ERC2: variants seen among roughly 807,000 people sequenced by gnomAD.
ERC2 encodes ERC protein 2.
In ERC2, 42 loss-of-function variants were observed where a neutral mutation model predicts 114.8. The ratio of observed to expected loss-of-function variants is 0.37; its 90% CI spans 0.29 to 0.47. The LOEUF is 0.47. ERC2 is among the 20% of genes least tolerant of loss of function. The probability of loss-of-function intolerance (pLI) is 0.99; values close to 1 mark genes in which losing one functional copy is unlikely to be tolerated. For synonymous variants in ERC2, 454 were observed against 425.5 expected, an observed-to-expected ratio of 1.07 and a Z score of -0.82; for missense variants, 939 against 1,150.7, an observed-to-expected ratio of 0.82 and a Z score of 2.66.
chr3:55,830,009 C>T (rs75114512), intron 14 of ERC2, among the ~76,000 whole-genome samples: 29 of 152,262 alleles, frequency 1.9e-4, no homozygotes, highest in Middle Eastern at 6.8e-3. Flanking sequence ...AAAAAACCCA[C>T]CTGCAGCTAC....
intron 3 of ERC2, 53 bp from the exon 4 acceptor site, chr3:56,173,573 C>T (rs2082799422): frequency 6.4e-7 from 1 of 1,560,192 alleles, no homozygotes; most frequent in East Asian, 2.2e-5. Flanking sequence ...TCCGTTACAC[C>T]ACAACCTTTA....
At chr3:56,326,456 T>C (rs2057366444) in intron 2 of ERC2, among the ~76,000 whole-genome samples, 2 of 152,164 alleles carry the variant, frequency 1.3e-5, no homozygotes, top group African/African-American at 4.8e-5. Context: ...AATAAATTGG[T>C]CAGACTAGAA....
intron 16 of ERC2, among the ~76,000 whole-genome samples, chr3:55,693,855 C>T (rs2062793097): frequency 6.6e-6 from 1 of 151,858 alleles, no homozygotes; most frequent in East Asian, 1.9e-4. Context: ...ATTACAGGCA[C>T]TCACCACCAC....
At chr3:56,130,138 G>A (rs184553852) in intron 6 of ERC2, among the ~76,000 whole-genome samples, 1 of 152,246 alleles carries the variant, frequency 6.6e-6, no homozygotes, top group Non-Finnish European at 1.5e-5. Flanking sequence ...TAGTACAATG[G>A]AAAATAAGGT....
intron 2 of ERC2, among the ~76,000 whole-genome samples, chr3:56,328,943 T>G (rs73088551): frequency 0.071 from 10,769 of 152,290 alleles, 581 homozygotes; most frequent in African/African-American, 0.14. Context: ...TCTTGAAGGA[T>G]GCAGCCACAG....
At chr3:56,380,858 C>T (rs1293021342) in intron 2 of ERC2, among the ~76,000 whole-genome samples, 1 of 152,202 alleles carries the variant, frequency 6.6e-6, no homozygotes, top group East Asian at 1.9e-4. Context: ...TACTTATAAT[C>T]TGCCTGTTAA....
At chr3:56,348,967 AGAAG>A (rs1270036230) in intron 2 of ERC2, among the ~76,000 whole-genome samples, 2 of 94,762 alleles carry the variant, frequency 2.1e-5, no homozygotes, top group African/African-American at 4.7e-5. Context: ...AAAGAAAGAA[AGAAG>A]GAAAGAAAGA....
intron 2 of ERC2, among the ~76,000 whole-genome samples, chr3:56,375,676 C>T (rs1346245705): frequency 6.6e-6 from 1 of 152,130 alleles, no homozygotes; most frequent in African/African-American, 2.4e-5. Context: ...ATTAAGGGTG[C>T]TGTGTTAGGC....
chr3:56,339,719 G>A (rs2058011446), intron 2 of ERC2, among the ~76,000 whole-genome samples: 1 of 151,938 alleles, frequency 6.6e-6, no homozygotes, highest in Admixed American at 6.6e-5. Flanking sequence ...CCAGCACCCT[G>A]AATCTCTGAA....
intron 6 of ERC2, among the ~76,000 whole-genome samples, chr3:56,118,020 G>A (rs1320879655): frequency 6.6e-6 from 1 of 152,184 alleles, no homozygotes; most frequent in Non-Finnish European, 1.5e-5. Context: ...GATAGCTGAA[G>A]CAGCCCTTTT....
intron 2 of ERC2, among the ~76,000 whole-genome samples, chr3:56,426,360 A>G (rs1293466048): frequency 6.6e-6 from 1 of 152,232 alleles, no homozygotes; most frequent in Non-Finnish European, 1.5e-5. Flanking sequence ...TTAAGGTCTC[A>G]CTTCGAGATG....
At chr3:55,833,194 T>C (rs1314911548) in intron 14 of ERC2, among the ~76,000 whole-genome samples, 4 of 150,244 alleles carry the variant, frequency 2.7e-5, no homozygotes, top group Non-Finnish European at 5.9e-5. Flanking sequence ...TGCAGGATAT[T>C]ATCCAGGAGA....
chr3:55,842,222 C>T (rs2061165127), intron 14 of ERC2, among the ~76,000 whole-genome samples: 1 of 152,102 alleles, frequency 6.6e-6, no homozygotes, highest in African/African-American at 2.4e-5. Flanking sequence ...TGGCTAATTC[C>T]AGAGCTAGAT....
chr3:56,305,709 C>T (rs1019183339), intron 2 of ERC2, among the ~76,000 whole-genome samples: 2 of 152,220 alleles, frequency 1.3e-5, no homozygotes, highest in Non-Finnish European at 2.9e-5. Context: ...GAAATTTTAC[C>T]CTTAGGTACC....
At chr3:56,287,153 A>G (rs1433042907) in intron 3 of ERC2, among the ~76,000 whole-genome samples, 1 of 152,222 alleles carries the variant, frequency 6.6e-6, no homozygotes, top group Non-Finnish European at 1.5e-5. Context: ...TTAGAAGAGC[A>G]ATGAAATGCA....
Position 56,133,524 on chromosome 3 carries a change from C to T in ERC2, c.1473+5985G>A, listed in dbSNP as rs796722878. 3.3e-5 allele frequency among the ~76,000 whole-genome samples: 5 copies of T among 152,208 alleles called. No homozygotes were observed. The South Asian group carries it at 8.3e-4, about 25-fold the overall frequency. On this transcript the variant is annotated intron_variant, in intron 6 of 17. Transcript: ENST00000288221. The stretch of plus-strand genomic sequence containing the variant: ...AGAAAGCCCTCAGTCCACTGGGACT[C>T]TCATGGAAATCACTAGATTCCTAGT...
At chr3:55,609,629 C>T (rs1411348842) in intron 17 of ERC2, among the ~76,000 whole-genome samples, 4 of 152,016 alleles carry the variant, frequency 2.6e-5, no homozygotes, top group Non-Finnish European at 5.9e-5. Context: ...AGGAAGAGCG[C>T]CACCTACAGC....
intron 1 of ERC2, among the ~76,000 whole-genome samples, chr3:56,436,766 C>T (rs2062039519): frequency 1.3e-5 from 2 of 152,222 alleles, no homozygotes; most frequent in Admixed American, 1.3e-4. Context: ...ATAAGCTCTT[C>T]TTCAGCTGGA....
At chr3:56,019,250 T>A (rs2073535560) in intron 7 of ERC2, among the ~76,000 whole-genome samples, 1 of 152,164 alleles carries the variant, frequency 6.6e-6, no homozygotes, top group African/African-American at 2.4e-5. Context: ...GCAGAGTATC[T>A]CCCTCCATAC....
Sources: gnomAD v4.1 joint callset for allele counts (sites outside exome capture counted in the v4.1 genomes callset) on GRCh38, gnomAD v4.1.1 for gene constraint, MANE v1.5 for transcripts, NCBI Gene and HGNC (gene_info 2026-07-23, HGNC 2026-07-21) for gene names.